Variants in VSX2 observed in about 807,000 individuals in gnomAD.
The protein encoded by VSX2 is ceh-10 homeo domain containing homolog.
A neutral mutation model predicts 32.1 loss-of-function variants in VSX2; 28 were observed. That is an observed-to-expected ratio of 0.87 (90% CI 0.65 to 1.20). VSX2 has a LOEUF of 1.20. VSX2 is among the 50% of genes most tolerant of loss of function. The pLI is 0.00. For synonymous variants in VSX2, 243 were observed against 214.1 expected (o/e 1.14, Z -1.18); for missense variants, 506 against 488.7 (o/e 1.04, Z -0.33).
chr14:74,241,208 C>A lies in VSX2; in HGVS notation c.397C>A (p.Arg133=), dbSNP rs774922468. The change falls in exon 2 of 5, where the codon CGA becomes AGA. Residue 133 remains arginine, a synonymous_variant. Coordinates refer to ENST00000261980, the MANE Select transcript of VSX2 (RefSeq NM_182894.3). ...SDSEDVSSSD[R]KMSKSALNQT... ...TTCTGAAGATGTTTCCTCCAGCGAT[C>A]GAAAAATGTCCAAATCTGCTTTAAA... 16 of 1,613,332 alleles carry A rather than the reference C, an allele frequency of 9.9e-6. No individual in the cohort carries two copies. The highest frequency in any genetic ancestry group is 6.7e-5 in the Admixed American group (4 of 60,010).
chr14:74,249,458 C>T (rs755176344), intron 3 of VSX2, among the ~76,000 whole-genome samples: 1 of 152,030 alleles, frequency 6.6e-6, no homozygotes, highest in Non-Finnish European at 1.5e-5. Flanking sequence ...TTTAGAGAGA[C>T]GAGTTTTTGC....
At chr14:74,246,833 G>A (rs1286434097) in intron 3 of VSX2, among the ~76,000 whole-genome samples, 3 of 152,102 alleles carry the variant, frequency 2.0e-5, no homozygotes, top group Non-Finnish European at 2.9e-5. Context: ...GATTAGGTGG[G>A]GGAGGGTGGA....
intron 2 of VSX2, 45 bp from the exon 3 acceptor site, chr14:74,245,120 C>T (rs1351790168): frequency 1.2e-6 from 2 of 1,612,160 alleles, no homozygotes; most frequent in South Asian, 1.1e-5. Context: ...GAGACAGGCT[C>T]TTTTAGTTTC....
chr14:74,239,648 C>A lies in VSX2; in HGVS notation c.87C>A (p.Cys29Ter), dbSNP rs1389175061. The change falls in exon 1 of 5, where the codon TGC (cysteine) becomes TGA (stop). Residue 29 changes from cysteine (C) to a stop codon, truncating the protein, a stop_gained. Transcript: ENST00000261980. LOFTEE classifies it high-confidence loss of function. ...KSTSGGAPARCTGFGIQEILG... is the reference protein window; with the variant it reads ...KSTSGGAPAR ...CCTCGGGGGGCGCCCCGGCCAGGTGCACTGGGTTCGGCATCCAGGAGATCC... is the reference window on the plus strand; with the variant it reads ...CCTCGGGGGGCGCCCCGGCCAGGTGAACTGGGTTCGGCATCCAGGAGATCC... 1.9e-6 allele frequency: 3 copies of A among 1,550,752 alleles called. No individual in the cohort carries two copies. Among genetic ancestry groups the A allele is most frequent in the South Asian group, 1.2e-5 (1 of 84,054 alleles).
At chr14:74,240,991 G>C (rs890805556) in intron 1 of VSX2, among the ~76,000 whole-genome samples, 191 bp from the exon 2 acceptor site, 2 of 152,152 alleles carry the variant, frequency 1.3e-5, no homozygotes, top group Non-Finnish European at 2.9e-5. Flanking sequence ...CTCCGGATTC[G>C]GGCCCCGGCG....
rs369629867 is a variant in VSX2, at chr14:74,239,828, G to A, written c.267G>A (p.Thr89=). The A allele has an allele frequency of 6.3e-6, 10 of 1,576,154 alleles. No individual in the cohort carries two copies. The South Asian group carries it at 1.0e-4, about 16-fold the overall frequency. ...CCGGGGGGCTCCCTGGCTTCTACAC[G>A]CAGCCCACCTTCCTGGAAGTGCTGT... The part of the protein sequence containing the change: ...LGPGGLPGFY[T]QPTFLEVLSD... Residue 89 remains threonine, a synonymous_variant, in exon 1 of 5, where the codon ACG becomes ACA. Transcript: ENST00000261980.
chr14:74,240,114 C>T (rs2079139742), intron 1 of VSX2, among the ~76,000 whole-genome samples, 183 bp downstream of exon 1: 2 of 152,334 alleles, frequency 1.3e-5, no homozygotes, highest in South Asian at 4.1e-4. Context: ...CTTCGGCGTC[C>T]GCAGGGTTTC....
intron 4 of VSX2, 81 bp from the exon 5 acceptor site, chr14:74,260,511 CCT>C (rs1410041046): frequency 3.0e-6 from 4 of 1,351,296 alleles, no homozygotes; most frequent in Non-Finnish European, 3.1e-6. Context: ...TTAATTCTGG[CCT>C]CTCTCTATCT....
chr14:74,246,283 G>A (rs1394399618), intron 3 of VSX2, among the ~76,000 whole-genome samples: 2 of 152,168 alleles, frequency 1.3e-5, no homozygotes, highest in African/African-American at 4.8e-5. Flanking sequence ...TCTGCTCTGC[G>A]TCTCCTCCCC....
chr14:74,260,453 T>C, intron 4 of VSX2, 141 bp from the exon 5 acceptor site: 2 of 910,354 alleles, frequency 2.2e-6, no homozygotes, highest in Non-Finnish European at 3.5e-6. Flanking sequence ...GGTCCAGCCC[T>C]GGGACTTGTG....
At chr14:74,244,881 A>AGTGTGTGT (rs57885912) in intron 2 of VSX2, among the ~76,000 whole-genome samples, 10 of 51,320 alleles carry the variant, frequency 1.9e-4, no homozygotes, top group South Asian at 1.4e-3. Context: ...AGAGAGAGAA[A>AGTGTGTGT]GTGTGTGTGT....
At chr14:74,243,718 A>G (rs2079166754) in intron 2 of VSX2, among the ~76,000 whole-genome samples, 2 of 146,198 alleles carry the variant, frequency 1.4e-5, no homozygotes, top group Non-Finnish European at 3.0e-5. Flanking sequence ...CCACCCCCAG[A>G]GAATAGGAGA....
intron 3 of VSX2, among the ~76,000 whole-genome samples, chr14:74,252,030 G>A (rs1197378765): frequency 3.3e-5 from 5 of 152,240 alleles, no homozygotes; most frequent in African/African-American, 1.2e-4. Context: ...ATTTAGGAGG[G>A]CGATCCTGGA....
intron 1 of VSX2, 62 bp from the exon 2 acceptor site, chr14:74,241,120 G>C: frequency 6.4e-7 from 1 of 1,565,610 alleles, no homozygotes; most frequent in Non-Finnish European, 8.8e-7. Context: ...GGCCCTCGCG[G>C]GTTTCGGGCA....
At chr14:74,245,000 G>T (rs776538194) in intron 2 of VSX2, among the ~76,000 whole-genome samples, 165 bp from the exon 3 acceptor site, 2 of 127,698 alleles carry the variant, frequency 1.6e-5, no homozygotes, top group African/African-American at 2.8e-5. Context: ...GAGAGAGAGA[G>T]AGAGAGACAG....
At chr14:74,248,343 A>AAAC (rs2079206380) in intron 3 of VSX2, among the ~76,000 whole-genome samples, 1 of 138,402 alleles carries the variant, frequency 7.2e-6, no homozygotes, top group African/African-American at 2.6e-5. Flanking sequence ...CTAAAAAAAA[A>AAAC]AAAAAAAACA....
chr14:74,258,946 G>A (rs936483948), intron 3 of VSX2, among the ~76,000 whole-genome samples: 15 of 152,190 alleles, frequency 9.9e-5, no homozygotes, highest in Admixed American at 6.5e-4. Context: ...GTTAGGCTCG[G>A]AGCTGTGGGG....
chr14:74,241,614 G>C (rs773921767), intron 2 of VSX2, among the ~76,000 whole-genome samples: 4 of 152,184 alleles, frequency 2.6e-5, no homozygotes, highest in Non-Finnish European at 5.9e-5. Context: ...ACCCGGCGGC[G>C]GGCAGATTAG....
At position 74,260,608 on chromosome 14, in the gene VSX2, T is replaced by C. The variant is rs1255257199; in HGVS notation, c.775T>C (p.Ser259Pro). The change falls in exon 5 of 5, where the codon TCG (serine) becomes CCG (proline). Residue 259 changes from serine (S) to proline (P), a missense_variant. Coordinates refer to ENST00000261980, the MANE Select transcript of VSX2 (RefSeq NM_182894.3). ...ATTCTTTCTAGGGATGCACAAAAAG[T>C]CGCTGGAGGCAGCAGCCGAGTCGGG... is the stretch of plus-strand genomic sequence containing the variant. ...APWLLGMHKK[S>P]LEAAAESGRK... 1.9e-6 allele frequency: 3 copies of C among 1,603,132 alleles called. No homozygotes were observed. The Admixed American group carries it at 5.1e-5, about 27-fold the overall frequency.
Sources: allele counts gnomAD v4.1 joint callset (sites outside exome capture counted in the v4.1 genomes callset), GRCh38; gene constraint gnomAD v4.1.1; transcripts MANE v1.5; gene names NCBI Gene and HGNC (gene_info 2026-07-23, HGNC 2026-07-21).